Variants in MCTP1 observed in about 807,000 individuals in gnomAD.
MCTP1 encodes multiple C2 and transmembrane domain-containing protein 1.
A neutral mutation model predicts 120.6 loss-of-function variants in MCTP1; 69 were observed. That is an observed-to-expected ratio of 0.57 (90% CI 0.47 to 0.70). The LOEUF is 0.70. Ranked by LOEUF, MCTP1 falls within the 30% of genes least tolerant of loss-of-function variation. MCTP1 has a pLI of 0.00. For synonymous variants in MCTP1, 529 were observed against 493.1 expected (o/e 1.07, Z -0.96); for missense variants, 1,203 against 1,248.8 (o/e 0.96, Z 0.55).
At chr5:94,745,192 T>A (rs1045832565) in intron 19 of MCTP1, among the ~76,000 whole-genome samples, 1 of 152,200 alleles carries the variant, frequency 6.6e-6, no homozygotes, top group Non-Finnish European at 1.5e-5. Context: ...TGCTTAATAA[T>A]GCCTTTCTGT....
intron 1 of MCTP1, among the ~76,000 whole-genome samples, chr5:95,224,441 C>T (rs1754034329): frequency 6.6e-6 from 1 of 151,918 alleles, no homozygotes. Context: ...AATTTCTCTG[C>T]ATTTAAACAA....
At chr5:94,802,802 TA>T (rs1201581348) in intron 17 of MCTP1, among the ~76,000 whole-genome samples, 3 of 152,174 alleles carry the variant, frequency 2.0e-5, no homozygotes, top group Non-Finnish European at 4.4e-5. Flanking sequence ...AAATAAACCA[TA>T]AAATGTCTAG....
chr5:95,008,960 C>G (rs548827258), intron 2 of MCTP1, among the ~76,000 whole-genome samples: 1 of 151,890 alleles, frequency 6.6e-6, no homozygotes, highest in South Asian at 2.1e-4. Flanking sequence ...ACCCAGGAGT[C>G]TGAGGCTGCA....
rs544761854 is a variant in MCTP1 at position 94,833,439 on chromosome 5, C to T, written c.2437-34307G>A. 1.4e-4 allele frequency among the ~76,000 whole-genome samples: 21 copies of T among 152,004 alleles called. No individual in the cohort carries two copies. The South Asian group carries it at 4.2e-3, about 30-fold the overall frequency. On this transcript the variant is annotated intron_variant, in intron 17 of 22. Transcript: ENST00000515393. ...GACTGAAAAGGCATAATAAATTATG[C>T]GTAATATGGCCCAATTATGTGGTAA...
Position 95,041,941 on chromosome 5 carries a change from C to T in MCTP1, c.721-24457G>A, listed in dbSNP as rs545961188. On this transcript the variant is annotated intron_variant, in intron 1 of 22. Coordinates refer to ENST00000515393, the MANE Select transcript of MCTP1 (RefSeq NM_024717.7). ...CCGCATCCTTCAACTGAATCTGCCC[C>T]GTTTCTCAGTGTGAGTTGAAAAGAC... is the stretch of plus-strand genomic sequence containing the variant. Among the ~76,000 whole-genome samples, 48 of 152,272 alleles carry T rather than the reference C, an allele frequency of 3.2e-4. No homozygotes were observed. The Middle Eastern group carries it at 0.01, about 32-fold the overall frequency.
intron 6 of MCTP1, among the ~76,000 whole-genome samples, chr5:94,925,431 C>CGT (rs1812802970): frequency 6.6e-6 from 1 of 151,640 alleles, no homozygotes; most frequent in African/African-American, 2.4e-5. Context: ...TTTTTTGAGA[C>CGT]AGAGTCTTGC....
intron 1 of MCTP1, among the ~76,000 whole-genome samples, chr5:95,263,252 G>A (rs1758619105): frequency 6.6e-6 from 1 of 152,212 alleles, no homozygotes; most frequent in East Asian, 1.9e-4. Flanking sequence ...AAGAAATCAT[G>A]AGGGACAGGA....
chr5:94,961,013 G>A (rs754368570), intron 2 of MCTP1, among the ~76,000 whole-genome samples: 63 of 152,222 alleles, frequency 4.1e-4, no homozygotes, highest in Non-Finnish European at 7.8e-4. Flanking sequence ...CAAAGACTTA[G>A]AACCAACCCA....
intron 18 of MCTP1, among the ~76,000 whole-genome samples, chr5:94,782,714 C>A (rs934837256): frequency 6.9e-6 from 1 of 144,892 alleles, no homozygotes; most frequent in African/African-American, 2.4e-5. Flanking sequence ...CAAATAAAAC[C>A]AAATAAGCAC....
intron 12 of MCTP1, among the ~76,000 whole-genome samples, chr5:94,878,270 T>C (rs1387847501): frequency 1.3e-5 from 2 of 152,134 alleles, no homozygotes; most frequent in Non-Finnish European, 2.9e-5. Flanking sequence ...CCTCCTTTTA[T>C]CACTGGAGAT....
chr5:94,974,082 C>A (rs1044203672), intron 2 of MCTP1, among the ~76,000 whole-genome samples: 1 of 151,982 alleles, frequency 6.6e-6, no homozygotes, highest in Non-Finnish European at 1.5e-5. Context: ...AACATGAAGA[C>A]AAAGTAATAT....
intron 19 of MCTP1, among the ~76,000 whole-genome samples, chr5:94,731,360 A>C (rs1763099258): frequency 1.3e-5 from 2 of 152,170 alleles, no homozygotes; most frequent in Admixed American, 1.3e-4. Flanking sequence ...TTGCTTAACA[A>C]ATTTAAACAA....
chr5:94,940,284 A>C, intron 4 of MCTP1, 89 bp from the exon 5 acceptor site: 1 of 735,728 alleles, frequency 1.4e-6, no homozygotes. Context: ...TTAAGATAAA[A>C]AGTAATTTTG....
At chr5:94,727,723 T>C (rs1490529593) in intron 19 of MCTP1, among the ~76,000 whole-genome samples, 2 of 152,054 alleles carry the variant, frequency 1.3e-5, no homozygotes, top group African/African-American at 2.4e-5. Flanking sequence ...AATGAGAAAT[T>C]AGCATTAGGA....
At position 95,017,406 on chromosome 5, in the gene MCTP1, A is replaced by AT. The variant is rs1386623574; in HGVS notation, c.798dup (p.Leu267IlefsTer17). On this transcript the variant is annotated frameshift_variant, in exon 2 of 23. Coordinates refer to ENST00000515393, the MANE Select transcript of MCTP1 (RefSeq NM_024717.7). LOFTEE classifies it high-confidence loss of function. ...GCAGCTAAACTTTGACCCCTTCTTAATGTAATGTCCAGCTGGTACATTCCG... is the reference window on the plus strand; with the variant it reads ...GCAGCTAAACTTTGACCCCTTCTTAATTGTAATGTCCAGCTGGTACATTCCG... 1 of 1,610,052 alleles carries AT rather than the reference A, an allele frequency of 6.2e-7. No individual in the cohort carries two copies. The highest frequency in any genetic ancestry group is 1.1e-5 in the South Asian group (1 of 90,642).
rs74788850 is a variant in MCTP1, at chr5:94,977,131, T to C, written c.839-23770A>G. ...AAGCAAGTCAAGTAACATTGCAGGA[T>C]ACAAAATCAACATACAAAATCAATT... On this transcript the variant is annotated intron_variant, in intron 2 of 22. Coordinates refer to ENST00000515393, the MANE Select transcript of MCTP1 (RefSeq NM_024717.7). 5.4e-3 allele frequency among the ~76,000 whole-genome samples: 822 copies of C among 152,184 alleles called. 5 individuals carry two copies. The highest frequency in any genetic ancestry group is 0.019 in the African/African-American group (784 of 41,542).
At chr5:94,750,954 G>T (rs374527716) in intron 19 of MCTP1, among the ~76,000 whole-genome samples, 1 of 152,242 alleles carries the variant, frequency 6.6e-6, no homozygotes, top group East Asian at 1.9e-4. Context: ...AAATGTCCCC[G>T]TCATCCAGAA....
intron 1 of MCTP1, among the ~76,000 whole-genome samples, chr5:95,236,289 T>A (rs1755537223): frequency 6.6e-6 from 1 of 152,216 alleles, no homozygotes; most frequent in Non-Finnish European, 1.5e-5. Context: ...TATGTCCTAG[T>A]CAAAATCTAT....
At chr5:95,028,308 A>G (rs767059868) in intron 1 of MCTP1, among the ~76,000 whole-genome samples, 1 of 152,180 alleles carries the variant, frequency 6.6e-6, no homozygotes, top group Non-Finnish European at 1.5e-5. Flanking sequence ...GAAAGCAGAA[A>G]AGGCCAATCC....
Sources: allele counts gnomAD v4.1 joint callset (sites outside exome capture counted in the v4.1 genomes callset), GRCh38; gene constraint gnomAD v4.1.1; transcripts MANE v1.5; gene names NCBI Gene and HGNC (gene_info 2026-07-23, HGNC 2026-07-21).